The following PLEKHG1 variants were observed in gnomAD, a reference collection of about 807,000 sequenced individuals.
PLEKHG1 encodes the protein pleckstrin homology domain-containing family G member 1.
In PLEKHG1, 44 loss-of-function variants were observed where a neutral mutation model predicts 100.8. That is an observed-to-expected ratio of 0.44 (90% CI 0.34 to 0.56). PLEKHG1 has a LOEUF of 0.56. Among genes scored for constraint, PLEKHG1 ranks in the 20% least tolerant of loss-of-function variants. The pLI, the probability that PLEKHG1 is intolerant of heterozygous loss-of-function variation, is 0.01. For synonymous variants in PLEKHG1, 640 were observed against 662.5 expected, an observed-to-expected ratio of 0.97 and a Z score of 0.52; for missense variants, 1,545 against 1,720.9, an observed-to-expected ratio of 0.90 and a Z score of 1.81.
intron 2 of PLEKHG1, among the ~76,000 whole-genome samples, chr6:150,649,802 G>C (rs1277804814): frequency 1.3e-5 from 2 of 152,130 alleles, no homozygotes; most frequent in Non-Finnish European, 2.9e-5. Flanking sequence ...ACAAGGTCAG[G>C]AGATCGAGAC....
At chr6:150,678,153 A>T (rs1779825911) in intron 3 of PLEKHG1, among the ~76,000 whole-genome samples, 1 of 143,934 alleles carries the variant, frequency 6.9e-6, no homozygotes, top group Non-Finnish European at 1.5e-5. Flanking sequence ...GACATTTAAA[A>T]TCCATTCTTT....
Position 150,809,090 on chromosome 6 carries a change from C to T in PLEKHG1, c.913-15C>T, listed in dbSNP as rs925490609. Reference sequence around the variant, plus strand: ...TCTGCCTCCTGTAAATGCCATGGCCCATTCCCTTTCTCAGGAGATACAGAG... The same window carrying T: ...TCTGCCTCCTGTAAATGCCATGGCCTATTCCCTTTCTCAGGAGATACAGAG... On this transcript the variant is annotated splice_polypyrimidine_tract_variant and intron_variant, in intron 7 of 15. Coordinates refer to ENST00000358517, the Ensembl canonical transcript of PLEKHG1. 3 of 1,608,410 alleles carry T rather than the reference C, an allele frequency of 1.9e-6. No homozygotes were observed. Among genetic ancestry groups the T allele is most frequent in the Non-Finnish European group, 2.6e-6 (3 of 1,175,544 alleles).
intron 1 of PLEKHG1, among the ~76,000 whole-genome samples, chr6:150,614,871 A>G (rs1467140714): frequency 6.6e-6 from 1 of 152,206 alleles, no homozygotes; most frequent in Non-Finnish European, 1.5e-5. Flanking sequence ...AAACACTTAT[A>G]TATTCTCTTT....
At chr6:150,822,553 A>C (rs921100469) in intron 13 of PLEKHG1, among the ~76,000 whole-genome samples, 2 of 152,244 alleles carry the variant, frequency 1.3e-5, no homozygotes, top group Non-Finnish European at 2.9e-5. Flanking sequence ...ATACTTAAAG[A>C]AATTGTAATA....
intron 3 of PLEKHG1, among the ~76,000 whole-genome samples, chr6:150,781,063 A>G (rs1306163523): frequency 6.6e-6 from 1 of 151,578 alleles, no homozygotes; most frequent in South Asian, 2.1e-4. Context: ...TTAATAGAGA[A>G]GGGGTGTCAC....
In PLEKHG1 at chr6:150,793,275, G is replaced by A. The variant is rs148416529; in HGVS notation, c.583-2581G>A. On this transcript the variant is annotated intron_variant, in intron 4 of 15. Coordinates refer to ENST00000358517, the Ensembl canonical transcript of PLEKHG1. ...TAAACTTAGCCAGAGGTGGTGGCAC[G>A]CCTGTGGTCCCAGCTACTCTGGAGG... Among the ~76,000 whole-genome samples the A allele has an allele frequency of 8.0e-3, 1,214 of 152,138 alleles. 8 individuals carry two copies. The highest frequency in any genetic ancestry group is 0.027 in the Middle Eastern group (8 of 294).
chr6:150,641,185 C>T (rs1333972064), intron 2 of PLEKHG1, among the ~76,000 whole-genome samples: 1 of 152,088 alleles, frequency 6.6e-6, no homozygotes, highest in Non-Finnish European at 1.5e-5. Flanking sequence ...TTACTCTGTT[C>T]ATGGAGTTAG....
intron 2 of PLEKHG1, among the ~76,000 whole-genome samples, chr6:150,737,244 G>T (rs76509329): frequency 0.031 from 4,643 of 150,824 alleles, 91 homozygotes; most frequent in African/African-American, 0.055. Context: ...TGTCAAGCCT[G>T]CAGTAACTCT....
intron 3 of PLEKHG1, 100 bp downstream of exon 4, chr6:150,768,838 C>A: frequency 1.4e-6 from 1 of 699,888 alleles, no homozygotes; most frequent in Non-Finnish European, 2.5e-6. Flanking sequence ...CCTGACTCAG[C>A]TTCATATATT....
At chr6:150,604,282 T>C (rs1019664425) in intron 1 of PLEKHG1, among the ~76,000 whole-genome samples, 22 of 152,226 alleles carry the variant, frequency 1.4e-4, no homozygotes, top group African/African-American at 5.1e-4. Flanking sequence ...TCTAGTCACA[T>C]TGAGCACCAA....
At chr6:150,636,733 T>C (rs7769605) in intron 1 of PLEKHG1, among the ~76,000 whole-genome samples, 50,580 of 152,046 alleles carry the variant, frequency 0.33, 9,039 homozygotes, top group African/African-American at 0.48. Flanking sequence ...TTAGATACCT[T>C]GTGAATAAGA....
chr6:150,713,975 G>A (rs894740463), intron 3 of PLEKHG1, among the ~76,000 whole-genome samples: 3 of 152,214 alleles, frequency 2.0e-5, no homozygotes, highest in Non-Finnish European at 2.9e-5. Flanking sequence ...TGGTATTTTG[G>A]AAAATACGTA....
chr6:150,800,956 C>T, intron 6 of PLEKHG1, 87 bp downstream of exon 7: 2 of 1,076,956 alleles, frequency 1.9e-6, no homozygotes, highest in Admixed American at 1.9e-5. Context: ...CCAGAAAATG[C>T]TATGGACATA....
chr6:150,616,290 G>A (rs1307721979), intron 1 of PLEKHG1, among the ~76,000 whole-genome samples: 2 of 152,184 alleles, frequency 1.3e-5, no homozygotes, highest in Non-Finnish European at 2.9e-5. Flanking sequence ...CTTTGTTATA[G>A]GCAGCTACAT....
intron 1 of PLEKHG1, among the ~76,000 whole-genome samples, chr6:150,731,595 C>T: frequency 6.6e-6 from 1 of 152,118 alleles, no homozygotes; most frequent in South Asian, 2.1e-4. Context: ...GAAAAATGAT[C>T]ATTACTATGT....
intron 2 of PLEKHG1, among the ~76,000 whole-genome samples, chr6:150,647,066 G>T (rs1345799067): frequency 6.6e-6 from 1 of 152,070 alleles, no homozygotes; most frequent in African/African-American, 2.4e-5. Flanking sequence ...CAAATTTATT[G>T]GGCTCCTATA....
chr6:150,780,821 A>G (rs1229078945), intron 3 of PLEKHG1, among the ~76,000 whole-genome samples: 3 of 152,022 alleles, frequency 2.0e-5, no homozygotes, highest in Non-Finnish European at 2.9e-5. Context: ...TCTGAAATAG[A>G]TGATTCTGAT....
chr6:150,792,030 A>G (rs1253140244), intron 4 of PLEKHG1, among the ~76,000 whole-genome samples: 1 of 152,236 alleles, frequency 6.6e-6, no homozygotes, highest in East Asian at 1.9e-4. Flanking sequence ...AATTGGTAGG[A>G]GAAAGAAAAC....
chr6:150,630,754 G>A (rs6899624), intron 1 of PLEKHG1, among the ~76,000 whole-genome samples: 5,530 of 152,104 alleles, frequency 0.036, 330 homozygotes, highest in African/African-American at 0.13. Flanking sequence ...TACAATCACC[G>A]GGCTAGATGA....
Sources: allele counts gnomAD v4.1 joint callset (sites outside exome capture counted in the v4.1 genomes callset), GRCh38; gene constraint gnomAD v4.1.1; transcripts MANE v1.5; gene names NCBI Gene and HGNC (gene_info 2026-07-23, HGNC 2026-07-21).